Variants in CCSER1 observed in about 807,000 individuals in gnomAD.
CCSER1 encodes serine-rich coiled-coil domain-containing protein 1.
A neutral mutation model predicts 82.0 loss-of-function variants in CCSER1; 41 were observed. That is an observed-to-expected ratio of 0.50 (90% CI 0.39 to 0.65). The LOEUF (loss-of-function observed/expected upper bound fraction) is 0.65. Among genes scored for constraint, CCSER1 ranks in the 30% least tolerant of loss-of-function variants. CCSER1 has a pLI of 0.00. For missense variants in CCSER1, 1,119 were observed against 1,064.2 expected, an observed-to-expected ratio of 1.05 and a Z score of -0.72; for synonymous variants, 414 against 383.9, an observed-to-expected ratio of 1.08 and a Z score of -0.92.
intron 9 of CCSER1, among the ~76,000 whole-genome samples, chr4:90,946,429 G>A (rs1732249134): frequency 1.3e-5 from 2 of 152,068 alleles, no homozygotes; most frequent in Admixed American, 6.6e-5. Flanking sequence ...TTAGGAGTTC[G>A]AGACCGGCCT....
rs79629033 is a variant in CCSER1 at position 91,170,337 on chromosome 4, C to T, written c.2217+84343C>T. ...TAACAGATGCATGATAAATCATGCA[C>T]TGTATACAAATCTAATAAAAAGGAG... On this transcript the variant is annotated intron_variant, in intron 10 of 10. Transcript: ENST00000509176. Among the ~76,000 whole-genome samples the T allele has an allele frequency of 1.6e-4, 25 of 152,194 alleles. No individual in the cohort carries two copies. In the East Asian group the frequency reaches 4.8e-3, roughly 29 times the overall value.
intron 5 of CCSER1, among the ~76,000 whole-genome samples, chr4:90,482,622 G>A (rs540581874): frequency 4.6e-5 from 7 of 152,200 alleles, no homozygotes; most frequent in East Asian, 1.9e-4. Flanking sequence ...CCTTCATTTT[G>A]TTATGTACCC....
chr4:90,890,715 C>G (rs1413860790), intron 8 of CCSER1, among the ~76,000 whole-genome samples: 1 of 152,280 alleles, frequency 6.6e-6, no homozygotes, highest in East Asian at 1.9e-4. Context: ...CTGACTTCCT[C>G]ACTCTACTGC....
Position 90,309,537 on chromosome 4 carries a change from T to C in CCSER1, c.1253T>C (p.Ile418Thr). 6.2e-7 allele frequency: 1 copy of C among 1,612,212 alleles called. No homozygotes were observed. The change falls in exon 2 of 11, where the codon ATA becomes ACA. Residue 418 changes from isoleucine (I) to threonine (T), a missense_variant. By Grantham distance (89) the Ile-to-Thr change is moderately conservative. Transcript: ENST00000509176. ...KGIHPISDSK[I>T]IPTSGDHHIF... ...ATCCATCCTATTTCAGATTCAAAGA[T>C]AATACCTACTTCTGGTGATCATCAT... is the stretch of plus-strand genomic sequence containing the variant.
chr4:91,598,807 C>T lies in CCSER1; in HGVS notation c.2453C>T (p.Thr818Ile). 8 of 1,551,612 alleles carry T rather than the reference C, an allele frequency of 5.2e-6. No individual in the cohort carries two copies. The highest frequency in any genetic ancestry group is 7.0e-6 in the Non-Finnish European group (8 of 1,146,924). ...TATGAAACCCTCACTTCAGACGTTA[C>T]ACAGAACTTACGGGCCACCGTTGGG... Reference protein sequence around the residue: ...GTYETLTSDVTQNLRATVGQS... With the variant: ...GTYETLTSDVIQNLRATVGQS... Residue 818 changes from threonine to isoleucine, a missense_variant, in exon 11 of 11, where the codon ACA becomes ATA. By Grantham distance (89) the Thr-to-Ile change is moderately conservative (BLOSUM62 -1). Coordinates refer to ENST00000509176, the MANE Select transcript of CCSER1 (RefSeq NM_001145065.2).
intron 5 of CCSER1, among the ~76,000 whole-genome samples, chr4:90,614,472 G>A (rs576389603): frequency 6.6e-6 from 1 of 152,120 alleles, no homozygotes; most frequent in Non-Finnish European, 1.5e-5. Flanking sequence ...TGGATGCAAA[G>A]GAAAAGTTCT....
At chr4:90,203,128 A>G (rs1738083433) in intron 1 of CCSER1, among the ~76,000 whole-genome samples, 1 of 152,236 alleles carries the variant, frequency 6.6e-6, no homozygotes, top group Non-Finnish European at 1.5e-5. Flanking sequence ...GTAGACACAG[A>G]TACTATCATG....
intron 1 of CCSER1, among the ~76,000 whole-genome samples, chr4:90,164,384 G>A (rs927469155): frequency 7.9e-5 from 12 of 151,582 alleles, no homozygotes; most frequent in East Asian, 3.9e-4. Flanking sequence ...GAAGATAATC[G>A]CAAACATTTT....
At chr4:90,897,833 A>G (rs1041934347) in intron 8 of CCSER1, among the ~76,000 whole-genome samples, 1 of 151,978 alleles carries the variant, frequency 6.6e-6, no homozygotes, top group African/African-American at 2.4e-5. Context: ...CTGGTTTGAG[A>G]TGGTATCTCA....
chr4:90,838,376 T>C (rs145846208), intron 8 of CCSER1, among the ~76,000 whole-genome samples: 2,400 of 151,802 alleles, frequency 0.016, 67 homozygotes, highest in African/African-American at 0.054. Context: ...ATATGTAAAT[T>C]GAATGAACTG....
intron 7 of CCSER1, among the ~76,000 whole-genome samples, chr4:90,797,083 G>A (rs1486343672): frequency 6.6e-6 from 1 of 152,088 alleles, no homozygotes; most frequent in East Asian, 1.9e-4. Context: ...TCAGTGGGAT[G>A]TTAAAGTCTC....
chr4:90,464,791 T>C (rs1763398756), intron 4 of CCSER1, among the ~76,000 whole-genome samples: 1 of 152,256 alleles, frequency 6.6e-6, no homozygotes, highest in Non-Finnish European at 1.5e-5. Context: ...GTTTTTTATA[T>C]TACATTATAA....
At chr4:90,652,193 A>G (rs1728881177) in intron 6 of CCSER1, among the ~76,000 whole-genome samples, 1 of 152,178 alleles carries the variant, frequency 6.6e-6, no homozygotes, top group Non-Finnish European at 1.5e-5. Flanking sequence ...AGGTGTATAA[A>G]CAAATTTACT....
intron 1 of CCSER1, among the ~76,000 whole-genome samples, chr4:90,191,239 C>A (rs760333870): frequency 9.2e-5 from 14 of 151,816 alleles, no homozygotes; most frequent in Non-Finnish European, 1.5e-4. Context: ...ATTGATGAGT[C>A]TTCTTTCTCC....
At chr4:91,585,197 A>G (rs73836242) in intron 10 of CCSER1, among the ~76,000 whole-genome samples, 17,423 of 151,452 alleles carry the variant, frequency 0.12, 1,016 homozygotes, top group Middle Eastern at 0.18. Flanking sequence ...AGTTCTCAGA[A>G]TAGGTCTCAT....
At chr4:90,377,540 T>C (rs986159116) in intron 3 of CCSER1, among the ~76,000 whole-genome samples, 2 of 152,130 alleles carry the variant, frequency 1.3e-5, no homozygotes, top group Admixed American at 6.6e-5. Context: ...AGAACAGTGG[T>C]CTCCAAGGAA....
At chr4:91,344,452 A>T (rs1747921069) in intron 10 of CCSER1, among the ~76,000 whole-genome samples, 1 of 152,224 alleles carries the variant, frequency 6.6e-6, no homozygotes, top group South Asian at 2.1e-4. Flanking sequence ...AATTTCTGAT[A>T]TGGAAAGAAA....
At chr4:91,418,735 G>A (rs1053632147) in intron 10 of CCSER1, among the ~76,000 whole-genome samples, 1 of 152,004 alleles carries the variant, frequency 6.6e-6, no homozygotes, top group Non-Finnish European at 1.5e-5. Context: ...GCCTTACCTT[G>A]ATACTTTGGT....
At chr4:91,270,706 T>C (rs1159596427) in intron 10 of CCSER1, among the ~76,000 whole-genome samples, 1 of 152,204 alleles carries the variant, frequency 6.6e-6, no homozygotes, top group East Asian at 1.9e-4. Context: ...TTCAAGGCTG[T>C]CAGTGCCACT....
Sources: gnomAD v4.1 joint callset for allele counts (sites outside exome capture counted in the v4.1 genomes callset) on GRCh38, gnomAD v4.1.1 for gene constraint, MANE v1.5 for transcripts, NCBI Gene and HGNC (gene_info 2026-07-23, HGNC 2026-07-21) for gene names.